The following RSRC1 variants were observed in gnomAD, a reference collection of about 807,000 sequenced individuals.
The protein encoded by RSRC1 is arginine and serine rich coiled-coil 1, also known as serine/Arginine-related protein 53.
In RSRC1, 39 loss-of-function variants were observed where a neutral mutation model predicts 49.1. The ratio of observed to expected loss-of-function variants is 0.79; its 90% CI spans 0.61 to 1.04. RSRC1 has a LOEUF of 1.04. Among genes scored for constraint, RSRC1 ranks in the 50% least tolerant of loss-of-function variants. The pLI is 0.00. For synonymous variants in RSRC1, 143 were observed against 130.8 expected, an observed-to-expected ratio of 1.09 and a Z score of -0.63; for missense variants, 388 against 402.4, an observed-to-expected ratio of 0.96 and a Z score of 0.31.
intron 3 of RSRC1, among the ~76,000 whole-genome samples, chr3:158,197,360 T>G (rs1720696489): frequency 6.6e-6 from 1 of 152,200 alleles, no homozygotes; most frequent in Admixed American, 6.5e-5. Flanking sequence ...CCCTTTTTCA[T>G]TTTTTATTGC....
At chr3:158,544,091 A>T in intron 9 of RSRC1, 92 bp from the exon 10 acceptor site, 2 of 801,098 alleles carry the variant, frequency 2.5e-6, no homozygotes, top group South Asian at 3.0e-5. Context: ...GTGTTGAGAG[A>T]TATATTCTAC....
intron 5 of RSRC1, among the ~76,000 whole-genome samples, chr3:158,340,779 A>G (rs944623382): frequency 1.3e-5 from 2 of 152,202 alleles, no homozygotes; most frequent in Admixed American, 1.3e-4. Context: ...GGAACTGGGT[A>G]ACAGGCAGAG....
At chr3:158,285,323 A>C (rs1726457388) in intron 4 of RSRC1, among the ~76,000 whole-genome samples, 1 of 152,196 alleles carries the variant, frequency 6.6e-6, no homozygotes, top group Non-Finnish European at 1.5e-5. Flanking sequence ...GAAGTCAGGT[A>C]GCGTGATGCC....
In RSRC1 at chr3:158,468,296, G is replaced by C. The variant is rs535269779; in HGVS notation, c.652+7293G>C. ...TTCAAGCTAGCTCTAAATAACTCAA[G>C]TATTAAAGCCTATACCACTTACCAT... On this transcript the variant is annotated intron_variant, in intron 7 of 9. Coordinates refer to ENST00000611884, the MANE Select transcript of RSRC1 (RefSeq NM_001271838.2). Among the ~76,000 whole-genome samples, 3 of 152,186 alleles carry C rather than the reference G, an allele frequency of 2.0e-5. No homozygotes were observed. The South Asian group carries it at 6.2e-4, about 32-fold the overall frequency.
intron 7 of RSRC1, among the ~76,000 whole-genome samples, chr3:158,516,013 A>T (rs1021231849): frequency 1.3e-5 from 2 of 151,744 alleles, no homozygotes; most frequent in East Asian, 3.9e-4. Flanking sequence ...AATTTTTTTC[A>T]AAGTTTTCAA....
At chr3:158,137,663 T>C (rs561357074) in intron 3 of RSRC1, among the ~76,000 whole-genome samples, 2 of 150,576 alleles carry the variant, frequency 1.3e-5, no homozygotes, top group African/African-American at 4.9e-5. Context: ...TTCTTTTTTT[T>C]TTTTTTTGAG....
intron 4 of RSRC1, among the ~76,000 whole-genome samples, chr3:158,212,262 A>G (rs1000504541): frequency 6.6e-6 from 1 of 151,906 alleles, no homozygotes; most frequent in African/African-American, 2.4e-5. Flanking sequence ...AAAAGTGATA[A>G]CATTGCATTT....
intron 7 of RSRC1, among the ~76,000 whole-genome samples, chr3:158,479,245 A>T (rs1011806561): frequency 6.7e-6 from 1 of 148,634 alleles, no homozygotes; most frequent in Non-Finnish European, 1.5e-5. Flanking sequence ...AAATGTTTTT[A>T]AAATAATTAA....
intron 7 of RSRC1, among the ~76,000 whole-genome samples, chr3:158,516,248 A>G (rs1365783113): frequency 3.3e-5 from 5 of 151,624 alleles, no homozygotes; most frequent in Non-Finnish European, 7.4e-5. Flanking sequence ...TTGGTCTTTG[A>G]TGATGGTGAT....
intron 6 of RSRC1, among the ~76,000 whole-genome samples, chr3:158,397,871 GAGAT>G (rs1273706290): frequency 3.3e-5 from 5 of 152,066 alleles, no homozygotes; most frequent in African/African-American, 1.2e-4. Flanking sequence ...TGGTCTAAAA[GAGAT>G]AGAAAAGTTA....
intron 4 of RSRC1, among the ~76,000 whole-genome samples, chr3:158,287,190 G>T (rs1429017564): frequency 6.6e-6 from 1 of 152,120 alleles, no homozygotes; most frequent in African/African-American, 2.4e-5. Flanking sequence ...ATTTGGGATT[G>T]TTGACTGTGT....
At chr3:158,215,527 A>G (rs1466227903) in intron 4 of RSRC1, among the ~76,000 whole-genome samples, 1 of 151,694 alleles carries the variant, frequency 6.6e-6, no homozygotes, top group African/African-American at 2.4e-5. Context: ...CCCTTCTGTC[A>G]TTAATTTTCT....
intron 5 of RSRC1, among the ~76,000 whole-genome samples, chr3:158,329,931 C>A (rs1055962270): frequency 6.6e-6 from 1 of 152,180 alleles, no homozygotes; most frequent in Non-Finnish European, 1.5e-5. Flanking sequence ...GCCTCAGCAG[C>A]GGTGGGCACC....
chr3:158,194,071 ACAC>A (rs1720398420), intron 3 of RSRC1, among the ~76,000 whole-genome samples: 1 of 27,202 alleles, frequency 3.7e-5, no homozygotes, highest in Non-Finnish European at 8.1e-5. Context: ...ACACACACAC[ACAC>A]ACACACACAC....
intron 3 of RSRC1, among the ~76,000 whole-genome samples, chr3:158,146,063 T>A (rs535658680): frequency 6.6e-6 from 1 of 152,220 alleles, no homozygotes; most frequent in Admixed American, 6.5e-5. Context: ...TATACAATCA[T>A]GTCATCTGCA....
intron 6 of RSRC1, among the ~76,000 whole-genome samples, chr3:158,377,553 C>T (rs1732442302): frequency 6.6e-6 from 1 of 152,158 alleles, no homozygotes; most frequent in Admixed American, 6.5e-5. Flanking sequence ...CTCCCCCTTT[C>T]CTGAGGCCTT....
chr3:158,481,728 G>C (rs554468644), intron 7 of RSRC1, among the ~76,000 whole-genome samples: 2 of 152,164 alleles, frequency 1.3e-5, no homozygotes, highest in East Asian at 3.9e-4. Context: ...ATGTGAATTT[G>C]TATACAAACA....
At chr3:158,422,404 C>G (rs1735124087) in intron 6 of RSRC1, among the ~76,000 whole-genome samples, 1 of 151,756 alleles carries the variant, frequency 6.6e-6, no homozygotes, top group Non-Finnish European at 1.5e-5. Flanking sequence ...AGGACGTGAA[C>G]TCATCATTTT....
intron 6 of RSRC1, among the ~76,000 whole-genome samples, chr3:158,361,018 C>G (rs558061066): frequency 1.3e-5 from 2 of 152,208 alleles, no homozygotes; most frequent in Non-Finnish European, 2.9e-5. Flanking sequence ...GCAAGCTCCC[C>G]CTGTGGCCCT....
Sources: allele counts gnomAD v4.1 joint callset (sites outside exome capture counted in the v4.1 genomes callset), GRCh38; gene constraint gnomAD v4.1.1; transcripts MANE v1.5; gene names NCBI Gene and HGNC (gene_info 2026-07-23, HGNC 2026-07-21).